Variants in WDR20 observed in about 807,000 individuals in gnomAD.
WDR20 encodes WD repeat domain 20, also known as WD repeat-containing protein 20.
WDR20 carries 3 observed loss-of-function variants against 38.7 expected under a neutral mutation model. The ratio of observed to expected loss-of-function variants is 0.08; its 90% CI spans 0.04 to 0.20. WDR20 has a LOEUF of 0.20. WDR20 is among the 10% of genes least tolerant of loss of function. WDR20 has a pLI of 1.00. For missense variants in WDR20, 559 were observed against 727.7 expected (o/e 0.77, Z 2.67); for synonymous variants, 298 against 285.6 (o/e 1.04, Z -0.44).
At chr14:102,172,897 G>A (rs1236643051) in intron 1 of WDR20, among the ~76,000 whole-genome samples, 2 of 142,274 alleles carry the variant, frequency 1.4e-5, no homozygotes, top group South Asian at 4.3e-4. Context: ...TCTCAGATGG[G>A]GCGGCTGGGC....
chr14:102,203,367 T>G (rs1236769414), intron 2 of WDR20, among the ~76,000 whole-genome samples: 1 of 152,206 alleles, frequency 6.6e-6, no homozygotes, highest in Non-Finnish European at 1.5e-5. Context: ...AATGAGATCA[T>G]TGACATTTTT....
In WDR20 at chr14:102,207,062, G is replaced by A. The variant is rs898985311; in HGVS notation, c.433-1541G>A. Among the ~76,000 whole-genome samples the A allele has an allele frequency of 2.0e-5, 3 of 152,236 alleles. No individual in the cohort carries two copies. Among genetic ancestry groups the A allele is most frequent in the Non-Finnish European group, 4.4e-5 (3 of 68,040 alleles). On this transcript the variant is annotated intron_variant, in intron 2 of 2. Coordinates refer to ENST00000342702, the MANE Select transcript of WDR20 (RefSeq NM_144574.4). This position sits in a 1 kb window ranked among gnomAD's most constrained non-coding sequence, Gnocchi z 5.0. Reference sequence around the variant, plus strand: ...CCAGGCAGGAGGATAAAGAGGAGGTGGGGGATGAAAATACTGGCTGTGTCC... The same window carrying A: ...CCAGGCAGGAGGATAAAGAGGAGGTAGGGGATGAAAATACTGGCTGTGTCC...
Position 102,209,082 on chromosome 14 carries a change from G to C in WDR20, c.912G>C (p.Lys304Asn). The stretch of plus-strand genomic sequence containing the variant: ...TAATAGCCAGAGGCCACGGGCACAA[G>C]TCCTGGGTCAGTGTTGTAGCGTTTG... Reference protein sequence around the residue: ...CRVIARGHGHKSWVSVVAFDP... With the variant: ...CRVIARGHGHNSWVSVVAFDP... The change falls in exon 3 of 3, where the codon AAG (lysine) becomes AAC (asparagine). Residue 304 changes from lysine (K) to asparagine (N), a missense_variant. By Grantham distance (94) the Lys-to-Asn change is moderately conservative (BLOSUM62 0). Transcript: ENST00000342702. This position sits in a 1 kb window ranked among gnomAD's most constrained non-coding sequence, Gnocchi z 6.0. 1.2e-6 allele frequency: 2 copies of C among 1,614,170 alleles called. No individual in the cohort carries two copies. The highest frequency in any genetic ancestry group is 1.7e-6 in the Non-Finnish European group (2 of 1,180,034).
At chr14:102,156,977 C>G (rs2057564206) in intron 1 of WDR20, among the ~76,000 whole-genome samples, 1 of 152,024 alleles carries the variant, frequency 6.6e-6, no homozygotes, top group African/African-American at 2.4e-5. Context: ...GGTGATAGAG[C>G]AAGACTCCGT....
chr14:102,172,979 C>T (rs1330679020), intron 1 of WDR20, among the ~76,000 whole-genome samples: 4 of 149,672 alleles, frequency 2.7e-5, no homozygotes, highest in East Asian at 2.0e-4. Context: ...GACGGGGCGG[C>T]GGGGCAAAGG....
At chr14:102,155,199 C>G (rs1171631358) in intron 1 of WDR20, among the ~76,000 whole-genome samples, 2 of 152,056 alleles carry the variant, frequency 1.3e-5, no homozygotes, top group East Asian at 3.9e-4. Flanking sequence ...ATCTGTCCTG[C>G]CTACTTCACT....
rs1229302495 is a variant in WDR20, at chr14:102,221,502, A to C, written c.1693-1328A>C. On this transcript the variant is annotated intron_variant, in intron 3 of 3. Coordinates refer to the WDR20 transcript ENST00000335263. The surrounding 1 kb of genome is among the most constrained non-coding windows in gnomAD (Gnocchi z 4.8). The stretch of plus-strand genomic sequence containing the variant: ...GGCTTGATGTGTTTGAGCCAGAAGT[A>C]TGGGGCGTTTGCGGGGTCCTCCACA... Among the ~76,000 whole-genome samples the C allele has an allele frequency of 6.6e-6, 1 of 152,172 alleles. No individual in the cohort carries two copies. Among genetic ancestry groups the C allele is most frequent in the South Asian group, 2.1e-4 (1 of 4,822 alleles).
chr14:102,176,122 C>T (rs1309785725), intron 1 of WDR20, among the ~76,000 whole-genome samples: 2 of 152,104 alleles, frequency 1.3e-5, no homozygotes, highest in Non-Finnish European at 2.9e-5. Context: ...GGGCTGGAAA[C>T]GGTGGCTCAC....
intron 2 of WDR20, 57 bp downstream of exon 2, chr14:102,195,177 AC>A: frequency 6.3e-7 from 1 of 1,575,172 alleles, no homozygotes; most frequent in Admixed American, 1.8e-5. Flanking sequence ...ATACATTCTT[AC>A]CGAGGGTAGT....
At chr14:102,153,527 C>T (rs1382529680) in intron 1 of WDR20, among the ~76,000 whole-genome samples, 5 of 151,892 alleles carry the variant, frequency 3.3e-5, no homozygotes, top group Non-Finnish European at 7.4e-5. Flanking sequence ...AGGATGGTCT[C>T]GATTTCCTAA....
At chr14:102,184,491 G>T (rs1026660516) in intron 1 of WDR20, among the ~76,000 whole-genome samples, 1 of 152,098 alleles carries the variant, frequency 6.6e-6, no homozygotes, top group Non-Finnish European at 1.5e-5. Context: ...GACTGAGGGT[G>T]CTAGGCCAGG....
At chr14:102,151,215 T>C (rs2055711885) in intron 1 of WDR20, among the ~76,000 whole-genome samples, 1 of 147,314 alleles carries the variant, frequency 6.8e-6, no homozygotes, top group South Asian at 2.2e-4. Context: ...GGAGAGATTG[T>C]AGTGTGTCCA....
intron 2 of WDR20, among the ~76,000 whole-genome samples, chr14:102,202,536 T>C (rs1412825856): frequency 8.6e-5 from 13 of 151,880 alleles, no homozygotes; most frequent in East Asian, 7.8e-4. Flanking sequence ...CCCGCCACCA[T>C]GCCCAGCTAA....
At chr14:102,212,061 G>GT (rs1257154234), downstream of WDR20, among the ~76,000 whole-genome samples, 2 of 152,154 alleles carry the variant, frequency 1.3e-5, no homozygotes, top group Non-Finnish European at 2.9e-5. Context: ...ACACTGACAG[G>GT]TGACTTAGGA....
chr14:102,139,679 CCA>C (rs952141877), upstream of WDR20: 25 of 663,676 alleles, frequency 3.8e-5, no homozygotes, highest in Non-Finnish European at 6.3e-5. Flanking sequence ...CGCCCGGAGG[CCA>C]CACCCGGGGG....
intron 2 of WDR20, among the ~76,000 whole-genome samples, chr14:102,202,384 T>G (rs1211286560): frequency 2.2e-4 from 30 of 138,498 alleles, no homozygotes; most frequent in South Asian, 1.2e-3. Flanking sequence ...TTTTTTTTTT[T>G]TTTTTTTTTT....
chr14:102,196,426 T>C (rs1261937444), intron 2 of WDR20, among the ~76,000 whole-genome samples: 5 of 152,206 alleles, frequency 3.3e-5, no homozygotes, highest in African/African-American at 1.2e-4. Flanking sequence ...TTTTTGGTGC[T>C]GAGTTTGGGG....
At chr14:102,182,406 T>C (rs1377285951) in intron 1 of WDR20, among the ~76,000 whole-genome samples, 1 of 152,228 alleles carries the variant, frequency 6.6e-6, no homozygotes, top group East Asian at 1.9e-4. Flanking sequence ...TCTCCTCTCA[T>C]TGAGTGATGT....
At chr14:102,158,154 T>C (rs1327646858) in intron 1 of WDR20, among the ~76,000 whole-genome samples, 5 of 152,316 alleles carry the variant, frequency 3.3e-5, no homozygotes, top group South Asian at 4.1e-4. Flanking sequence ...CTCTGCCTAC[T>C]GCACATCTGC....
Sources: allele counts gnomAD v4.1 joint callset (sites outside exome capture counted in the v4.1 genomes callset), GRCh38; gene constraint gnomAD v4.1.1; non-coding constraint Gnocchi (gnomAD v3.1); transcripts MANE v1.5; gene names NCBI Gene and HGNC (gene_info 2026-07-23, HGNC 2026-07-21).